The following POLR1C variants were observed in gnomAD, a reference collection of about 807,000 sequenced individuals.
POLR1C encodes the protein RNA polymerase I and III subunit C.
In POLR1C, 42 loss-of-function variants were observed where a neutral mutation model predicts 38.3. The observed-to-expected ratio is 1.10, with a 90% confidence interval of 0.86 to 1.42. The LOEUF is 1.42. Ranked by LOEUF, POLR1C falls within the 40% of genes most tolerant of loss-of-function variation. POLR1C has a pLI of 0.00. For missense variants in POLR1C, 507 were observed against 450.5 expected, an observed-to-expected ratio of 1.13 and a Z score of -1.14; for synonymous variants, 163 against 163.9, an observed-to-expected ratio of 0.99 and a Z score of 0.04.
At chr6:43,549,608 C>T in intron 9 of POLR1C, 1 of 1,605,994 alleles carries the variant, frequency 6.2e-7, no homozygotes, top group East Asian at 2.2e-5. Context: ...AAACTCGGAG[C>T]TGCTTTTAAT....
chr6:43,526,388 C>T (rs987449820), downstream of POLR1C: 5 of 452,292 alleles, frequency 1.1e-5, no homozygotes, highest in Admixed American at 3.4e-5. Context: ...CTGGGGTTGC[C>T]ATTTTTGATA....
chr6:43,537,272 A>C (rs1794397683), intron 9 of POLR1C, among the ~76,000 whole-genome samples: 1 of 151,584 alleles, frequency 6.6e-6, no homozygotes, highest in Non-Finnish European at 1.5e-5. Context: ...ATTCCCAGCC[A>C]TCTTTTTCTA....
chr6:43,533,445 C>G (rs533972693), downstream of POLR1C: 6 of 153,816 alleles, frequency 3.9e-5, no homozygotes, highest in Non-Finnish European at 8.7e-5. Context: ...TACACTTGTT[C>G]ATATAGAGCT....
Position 43,520,105 on chromosome 6 carries a change from G to T in POLR1C, c.422G>T (p.Arg141Leu). 10 of 1,614,146 alleles carry T rather than the reference G, an allele frequency of 6.2e-6. No individual in the cohort carries two copies. The highest frequency in any genetic ancestry group is 8.5e-6 in the Non-Finnish European group (10 of 1,180,018). The change falls in exon 5 of 9, where the codon CGT (arginine) becomes CTT (leucine). Residue 141 changes from arginine to leucine, a missense_variant. Transcript: ENST00000642195. ...ACAGAGATAGATACTCTACAGTTTC[G>T]TCTCCAGGTCAGATGCACTCGGAAC... ...EGTEIDTLQF[R>L]LQVRCTRNPH...
chr6:43,523,888 C>T, downstream of POLR1C: 1 of 1,613,996 alleles, frequency 6.2e-7, no homozygotes, highest in South Asian at 1.1e-5. Context: ...AAGATGGTGG[C>T]CAGGCCACCC....
At chr6:43,546,435 C>A (rs572314226) in intron 9 of POLR1C, 8 of 816,728 alleles carry the variant, frequency 9.8e-6, no homozygotes, top group South Asian at 3.6e-5. Context: ...ACTGAGACAC[C>A]CTCTAGAAAG....
chr6:43,539,401 A>G (rs1794556089), intron 9 of POLR1C: 5 of 1,574,718 alleles, frequency 3.2e-6, no homozygotes, highest in Middle Eastern at 1.9e-4. Flanking sequence ...CATCCTTGAG[A>G]GAGGCCCCCA....
chr6:43,526,455 G>C (rs1395464006), downstream of POLR1C: 2 of 560,498 alleles, frequency 3.6e-6, no homozygotes, highest in Non-Finnish European at 3.2e-6. Context: ...CAAGAGAAAA[G>C]ATCACATATA....
chr6:43,557,451 TA>T (rs1432116928), intron 10 of POLR1C, among the ~76,000 whole-genome samples: 4 of 152,020 alleles, frequency 2.6e-5, no homozygotes, highest in Non-Finnish European at 5.9e-5. Flanking sequence ...CAAGTACTGA[TA>T]AATGTTGTAA....
intron 10 of POLR1C, chr6:43,555,742 G>A (rs1211539571): frequency 5.3e-6 from 8 of 1,496,464 alleles, no homozygotes; most frequent in African/African-American, 1.4e-5. Flanking sequence ...TAAGTATATC[G>A]TTCTGATGTG....
Position 43,520,257 on chromosome 6 carries a change from G to C in POLR1C, c.503-18G>C. 1 of 1,613,454 alleles carries C rather than the reference G, an allele frequency of 6.2e-7. No homozygotes were observed. The highest frequency in any genetic ancestry group is 8.5e-7 in the Non-Finnish European group (1 of 1,180,036). On this transcript the variant is annotated intron_variant, in intron 5 of 8. Coordinates refer to ENST00000642195, the MANE Select transcript of POLR1C (RefSeq NM_203290.4). Reference sequence around the variant, plus strand: ...CTAGTTTTAGGGACTGAGATCTTCTGACATGTTTTTCCTCCAGTGTATACC... The same window carrying C: ...CTAGTTTTAGGGACTGAGATCTTCTCACATGTTTTTCCTCCAGTGTATACC...
downstream of POLR1C, chr6:43,533,999 T>C (rs1450684575): frequency 6.3e-7 from 1 of 1,599,316 alleles, no homozygotes; most frequent in Non-Finnish European, 8.5e-7. Context: ...ATATAATGTA[T>C]TGTGGGTTCT....
intron 3 of POLR1C, 100 bp from the exon 4 acceptor site, chr6:43,519,606 G>A: frequency 1.3e-6 from 2 of 1,538,566 alleles, no homozygotes; most frequent in Non-Finnish European, 9.0e-7. Flanking sequence ...AAACATTCTA[G>A]GAAGAGAGAT....
At chr6:43,555,732 T>C (rs751921356) in intron 10 of POLR1C, 90 of 1,423,436 alleles carry the variant, frequency 6.3e-5, no homozygotes, top group Non-Finnish European at 7.7e-5. Context: ...TTGAATAGTA[T>C]AAGTATATCG....
At chr6:43,551,498 T>C (rs1453529578) in intron 10 of POLR1C, 21 of 1,599,424 alleles carry the variant, frequency 1.3e-5, no homozygotes, top group Non-Finnish European at 1.8e-5. Flanking sequence ...TGCCTCCACT[T>C]AGAAATAACC....
At chr6:43,539,055 C>T in intron 9 of POLR1C, 7 of 1,527,336 alleles carry the variant, frequency 4.6e-6, no homozygotes, top group Non-Finnish European at 6.3e-6. Context: ...TCGATACCAG[C>T]CATCATGAGC....
At chr6:43,561,664 C>CCATT (rs1284663624) in exon 11 of POLR1C, 10 of 153,400 alleles carry the variant, frequency 6.5e-5, no homozygotes, top group Admixed American at 6.5e-4. Context: ...CAGGCATGAG[C>CCATT]CATTGCACCT....
intron 9 of POLR1C, among the ~76,000 whole-genome samples, chr6:43,541,276 G>GT (rs1281541159): frequency 1.3e-5 from 2 of 152,170 alleles, no homozygotes; most frequent in African/African-American, 4.8e-5. Context: ...TGGATTGTTT[G>GT]TAACACAAAG....
downstream of POLR1C, chr6:43,525,818 T>C (rs1793549523): frequency 1.2e-6 from 2 of 1,613,130 alleles, no homozygotes; most frequent in Non-Finnish European, 1.7e-6. Context: ...AGTAAAGGTA[T>C]CACCTGCTCC....
Sources: allele counts gnomAD v4.1 joint callset (sites outside exome capture counted in the v4.1 genomes callset), GRCh38; gene constraint gnomAD v4.1.1; transcripts MANE v1.5; gene names NCBI Gene and HGNC (gene_info 2026-07-23, HGNC 2026-07-21).